Variants in PTPRD observed in about 807,000 individuals in gnomAD.
PTPRD encodes protein tyrosine phosphatase receptor type D.
PTPRD carries 34 observed loss-of-function variants against 214.5 expected under a neutral mutation model. That is an observed-to-expected ratio of 0.16 (90% CI 0.12 to 0.21). PTPRD has a LOEUF of 0.21. PTPRD is among the 10% of genes least tolerant of loss of function. PTPRD has a pLI of 1.00. For missense variants in PTPRD, 2,545 were observed against 2,398.7 expected, an observed-to-expected ratio of 1.06 and a Z score of -1.27; for synonymous variants, 1,128 against 845.7, an observed-to-expected ratio of 1.33 and a Z score of -5.79.
intron 44 of PTPRD, among the ~76,000 whole-genome samples, chr9:8,324,853 G>A (rs1320188242): frequency 6.6e-6 from 1 of 152,172 alleles, no homozygotes; most frequent in Non-Finnish European, 1.5e-5. Flanking sequence ...AATGACCAGT[G>A]ATAGTGAGCA....
intron 8 of PTPRD, among the ~76,000 whole-genome samples, chr9:9,571,470 T>A (rs1271586040): frequency 1.3e-5 from 2 of 151,352 alleles, no homozygotes; most frequent in Non-Finnish European, 3.0e-5. Context: ...TTAGAAGCAA[T>A]AAATATATTT....
intron 2 of PTPRD, among the ~76,000 whole-genome samples, chr9:10,588,972 A>T (rs2074681634): frequency 6.6e-6 from 1 of 152,052 alleles, no homozygotes; most frequent in Non-Finnish European, 1.5e-5. Context: ...TAACTTACTG[A>T]ATGAGTAATA....
Position 8,633,345 on chromosome 9 carries a change from A to C in PTPRD, c.324T>G (p.Ser108Arg), listed in dbSNP as rs1252728742. 1 of 1,612,668 alleles carries C rather than the reference A, an allele frequency of 6.2e-7. No individual in the cohort carries two copies. Among genetic ancestry groups the C allele is most frequent in the Non-Finnish European group, 8.5e-7 (1 of 1,179,022 alleles). ...GCAAAACTGTGAGTCTGGTGGATAC[A>C]CTTATTTCTCCCACATTATTTGAGG... ...CVASNNVGEI[S>R]VSTRLTVLRE... Residue 108 changes from serine to arginine, a missense_variant, in exon 14 of 46, where the codon AGT becomes AGG. Transcript: ENST00000381196.
chr9:10,115,412 T>C (rs2098722751), intron 3 of PTPRD, among the ~76,000 whole-genome samples: 1 of 152,088 alleles, frequency 6.6e-6, no homozygotes, highest in African/African-American at 2.4e-5. Flanking sequence ...TTATGTTGCC[T>C]TTAGGTAATT....
At chr9:9,621,805 T>C (rs1161190646) in intron 7 of PTPRD, among the ~76,000 whole-genome samples, 1 of 152,344 alleles carries the variant, frequency 6.6e-6, no homozygotes, top group African/African-American at 2.4e-5. Flanking sequence ...TGGATAGTGA[T>C]GGTGTGATGG....
At chr9:8,940,897 G>A (rs1257939425) in intron 11 of PTPRD, among the ~76,000 whole-genome samples, 2 of 151,914 alleles carry the variant, frequency 1.3e-5, no homozygotes, top group South Asian at 2.1e-4. Flanking sequence ...CTCATTTTAT[G>A]CCTAGATTTT....
intron 2 of PTPRD, among the ~76,000 whole-genome samples, chr9:10,605,513 G>A (rs2079064688): frequency 1.3e-5 from 2 of 151,744 alleles, no homozygotes; most frequent in Admixed American, 6.6e-5. Context: ...GATGATGAAG[G>A]GTGCCAAGAA....
chr9:9,274,682 G>A (rs562214186), intron 9 of PTPRD, among the ~76,000 whole-genome samples: 1 of 150,900 alleles, frequency 6.6e-6, no homozygotes, highest in East Asian at 2.0e-4. Flanking sequence ...GGTTGCTCTT[G>A]GTTTATACCC....
intron 5 of PTPRD, among the ~76,000 whole-genome samples, chr9:9,833,683 AG>A (rs1027665982): frequency 1.8e-4 from 24 of 132,538 alleles, no homozygotes; most frequent in African/African-American, 6.9e-4. Context: ...CGCTCCGGAG[AG>A]GGGGGCAGTT....
At position 9,479,924 on chromosome 9, in the gene PTPRD, T is replaced by G. The variant is rs779202886; in HGVS notation, c.-236-82442A>C. Among the ~76,000 whole-genome samples the G allele has an allele frequency of 2.0e-5, 3 of 152,108 alleles. No individual in the cohort carries two copies. The East Asian group carries it at 5.8e-4, about 29-fold the overall frequency. Reference sequence around the variant, plus strand: ...ATGGTTATTTGGTATATAAACTATATAATAAAAGCAAATCTGACAGGCTAC... The same window carrying G: ...ATGGTTATTTGGTATATAAACTATAGAATAAAAGCAAATCTGACAGGCTAC... On this transcript the variant is annotated intron_variant, in intron 8 of 45. Transcript: ENST00000381196.
intron 5 of PTPRD, among the ~76,000 whole-genome samples, chr9:9,780,071 T>C (rs1450117609): frequency 1.3e-5 from 2 of 152,194 alleles, no homozygotes; most frequent in Non-Finnish European, 2.9e-5. Flanking sequence ...CATGGAATAA[T>C]ATGCAGCCAT....
chr9:9,778,565 T>G (rs1432049256), intron 5 of PTPRD, among the ~76,000 whole-genome samples: 1 of 152,090 alleles, frequency 6.6e-6, no homozygotes, highest in Admixed American at 6.5e-5. Context: ...GGCATGTCTG[T>G]TTTGTAAGTC....
chr9:8,616,340 T>C (rs549318248), intron 14 of PTPRD, among the ~76,000 whole-genome samples: 4 of 152,260 alleles, frequency 2.6e-5, no homozygotes, highest in African/African-American at 9.6e-5. Flanking sequence ...GGAAAACTCC[T>C]TTAAAATTTC....
intron 9 of PTPRD, among the ~76,000 whole-genome samples, chr9:9,250,015 G>T (rs2099974812): frequency 6.6e-6 from 1 of 152,034 alleles, no homozygotes; most frequent in Non-Finnish European, 1.5e-5. Context: ...ATTAAATACT[G>T]TTTGAATAAC....
At chr9:8,355,664 C>T (rs1017436479) in intron 39 of PTPRD, among the ~76,000 whole-genome samples, 1 of 152,172 alleles carries the variant, frequency 6.6e-6, no homozygotes, top group African/African-American at 2.4e-5. Flanking sequence ...GGAGATTCCT[C>T]TTCTATGTAT....
At chr9:10,336,407 G>A (rs2096844417) in intron 3 of PTPRD, among the ~76,000 whole-genome samples, 2 of 151,500 alleles carry the variant, frequency 1.3e-5, no homozygotes, top group African/African-American at 4.8e-5. Flanking sequence ...ATTATGGGTG[G>A]GAGTTTTTTG....
chr9:10,577,514 T>C (rs1436889200), intron 2 of PTPRD, among the ~76,000 whole-genome samples: 1 of 152,194 alleles, frequency 6.6e-6, no homozygotes, highest in Non-Finnish European at 1.5e-5. Context: ...CTGTTGAGCC[T>C]CCAAAAGAAT....
chr9:8,452,118 G>A (rs1390115493), intron 33 of PTPRD, among the ~76,000 whole-genome samples: 2 of 152,234 alleles, frequency 1.3e-5, no homozygotes, highest in Non-Finnish European at 2.9e-5. Flanking sequence ...AGGGAGGGAT[G>A]TAGTGACATT....
chr9:9,389,686 TAACA>T (rs1438251169), intron 9 of PTPRD, among the ~76,000 whole-genome samples: 6 of 152,152 alleles, frequency 3.9e-5, no homozygotes, highest in South Asian at 2.1e-4. Flanking sequence ...ATACTGTACC[TAACA>T]GACAGTCATT....
Sources: gnomAD v4.1 joint callset for allele counts (sites outside exome capture counted in the v4.1 genomes callset) on GRCh38, gnomAD v4.1.1 for gene constraint, MANE v1.5 for transcripts, NCBI Gene and HGNC (gene_info 2026-07-23, HGNC 2026-07-21) for gene names.